Variants in ANKRD11 observed in about 807,000 individuals in gnomAD.
ANKRD11 encodes ankyrin repeat domain 11.
In ANKRD11, 17 loss-of-function variants were observed where a neutral mutation model predicts 195.7. The observed-to-expected ratio is 0.09, with a 90% confidence interval of 0.06 to 0.13. The LOEUF is 0.13. Ranked by LOEUF, ANKRD11 falls within the 10% of genes least tolerant of loss-of-function variation. The pLI, the probability that ANKRD11 is intolerant of heterozygous loss-of-function variation, is 1.00. For missense variants in ANKRD11, 3,735 were observed against 3,566.1 expected (o/e 1.05, Z -1.21); for synonymous variants, 1,953 against 1,528.1 (o/e 1.28, Z -6.49).
chr16:89,437,269 T>G (rs953606797), intron 1 of ANKRD11, among the ~76,000 whole-genome samples: 2 of 152,148 alleles, frequency 1.3e-5, no homozygotes, highest in Non-Finnish European at 2.9e-5. Context: ...GATGCTAATA[T>G]GCTAATATGA....
intron 1 of ANKRD11, among the ~76,000 whole-genome samples, chr16:89,474,225 G>A (rs1221594931): frequency 1.3e-5 from 2 of 152,174 alleles, no homozygotes; most frequent in Non-Finnish European, 2.9e-5. Context: ...ATGAAACCCT[G>A]AGCAGAGGAT....
At position 89,322,142 on chromosome 16, in the gene ANKRD11, T is replaced by G. The variant is rs146114302; in HGVS notation, c.-59-5064A>C. 6.5e-3 allele frequency among the ~76,000 whole-genome samples: 987 copies of G among 152,334 alleles called. 8 individuals carry two copies. The highest frequency in any genetic ancestry group is 0.011 in the Non-Finnish European group (729 of 68,014). On this transcript the variant is annotated intron_variant, in intron 2 of 12. Coordinates refer to ENST00000301030, the MANE Select transcript of ANKRD11 (RefSeq NM_013275.6). Reference sequence around the variant, plus strand: ...TAAAAGTTCTACACAAATTTTCAACTGCACAGGAGGCTGGCGCCCCCAACC... The same window carrying G: ...TAAAAGTTCTACACAAATTTTCAACGGCACAGGAGGCTGGCGCCCCCAACC...
At chr16:89,293,205 C>T (rs191616014) in intron 4 of ANKRD11, among the ~76,000 whole-genome samples, 113 of 152,286 alleles carry the variant, frequency 7.4e-4, no homozygotes, top group Non-Finnish European at 1.3e-3. Flanking sequence ...TTTGGAGACA[C>T]GAAGCCCCCT....
chr16:89,314,834 C>T (rs1404905809), intron 3 of ANKRD11, among the ~76,000 whole-genome samples: 1 of 152,198 alleles, frequency 6.6e-6, no homozygotes, highest in Non-Finnish European at 1.5e-5. Flanking sequence ...CACTACCACC[C>T]TTACCCTAAA....
At chr16:89,447,796 A>C (rs1243604677) in intron 1 of ANKRD11, among the ~76,000 whole-genome samples, 2 of 149,860 alleles carry the variant, frequency 1.3e-5, no homozygotes, top group Admixed American at 6.7e-5. Context: ...AAAATACAAT[A>C]ACTTTTTCTT....
At position 89,283,550 on chromosome 16, in the gene ANKRD11, C is replaced by G. The variant is rs747806088; in HGVS notation, c.2992G>C (p.Glu998Gln). Residue 998 changes from glutamate (E) to glutamine (Q), a missense_variant, in exon 9 of 13, where the codon GAG (glutamate) becomes CAG (glutamine). By Grantham distance (29) the Glu-to-Gln change is conservative. Transcript: ENST00000301030. This position sits in a 1 kb window ranked among gnomAD's most constrained non-coding sequence, Gnocchi z 4.3. ...KSDGDFGKGLEPWERHHPARE... is the reference protein window; with the variant it reads ...KSDGDFGKGLQPWERHHPARE... ...GCTGGGTGGTGCCGTTCCCACGGCTCCAGGCCCTTCCCAAAGTCGCCGTCG... is the reference window on the plus strand; with the variant it reads ...GCTGGGTGGTGCCGTTCCCACGGCTGCAGGCCCTTCCCAAAGTCGCCGTCG... The G allele has an allele frequency of 6.2e-7, 1 of 1,612,462 alleles. No individual in the cohort carries two copies. The highest frequency in any genetic ancestry group is 8.5e-7 in the Non-Finnish European group (1 of 1,180,030).
chr16:89,289,048 C>T (rs1054591211), intron 6 of ANKRD11: 9 of 320,416 alleles, frequency 2.8e-5, no homozygotes, highest in East Asian at 1.6e-4. Flanking sequence ...CCTCCCGTGT[C>T]GGAAACGGAA....
At position 89,378,542 on chromosome 16, in the gene ANKRD11, T is replaced by G. The variant is rs1046527256; in HGVS notation, c.-60+39742A>C. Among the ~76,000 whole-genome samples, 6 of 152,220 alleles carry G rather than the reference T, an allele frequency of 3.9e-5. 1 individual carries two copies. Among genetic ancestry groups the G allele is most frequent in the African/African-American group, 1.4e-4 (6 of 41,462 alleles). ...AAGATATTAAGCTAAATGTACGTGCTATAAGGCTACAGATACAGCAGGCTG... is the reference window on the plus strand; with the variant it reads ...AAGATATTAAGCTAAATGTACGTGCGATAAGGCTACAGATACAGCAGGCTG... On this transcript the variant is annotated intron_variant, in intron 2 of 12. Coordinates refer to ENST00000301030, the MANE Select transcript of ANKRD11 (RefSeq NM_013275.6).
chr16:89,326,637 G>A (rs138701317), intron 2 of ANKRD11, among the ~76,000 whole-genome samples: 12 of 152,238 alleles, frequency 7.9e-5, no homozygotes, highest in Non-Finnish European at 1.5e-4. Context: ...AGCTCCTTGG[G>A]AGCCTGAGGC....
At chr16:89,418,766 C>CTTT (rs771543095) in intron 1 of ANKRD11, among the ~76,000 whole-genome samples, 1 of 142,710 alleles carries the variant, frequency 7.0e-6, no homozygotes, top group African/African-American at 2.6e-5. Context: ...TTTAAAAGGC[C>CTTT]TTTTTTTTTT....
rs1597462960 is a variant in ANKRD11, at chr16:89,284,715, G to T, written c.1827C>A (p.Ser609Arg). ...RKRASLSEKK[S>R]PFLSSAEGAV... ...CGCCCTCCGCGCTGGACAGGAAGGG[G>T]CTCTTCTTCTCCGACAGGGAGGCTC... The change falls in exon 9 of 13, where the codon AGC (serine) becomes AGA (arginine). Residue 609 changes from serine to arginine, a missense_variant. Coordinates refer to ENST00000301030, the MANE Select transcript of ANKRD11 (RefSeq NM_013275.6). 1.2e-6 allele frequency: 2 copies of T among 1,613,826 alleles called. No individual in the cohort carries two copies. Among genetic ancestry groups the T allele is most frequent in the Non-Finnish European group, 1.7e-6 (2 of 1,179,992 alleles).
At chr16:89,302,014 T>G (rs909560126) in intron 4 of ANKRD11, among the ~76,000 whole-genome samples, 1 of 152,108 alleles carries the variant, frequency 6.6e-6, no homozygotes, top group Non-Finnish European at 1.5e-5. Flanking sequence ...CCCACACCCC[T>G]CCAGAGAGGC....
At chr16:89,358,761 G>A (rs2039599884) in intron 2 of ANKRD11, among the ~76,000 whole-genome samples, 1 of 152,082 alleles carries the variant, frequency 6.6e-6, no homozygotes, top group Non-Finnish European at 1.5e-5. Context: ...AACCCCACGT[G>A]CAAACCACTT....
chr16:89,469,987 C>T (rs1597506733), intron 1 of ANKRD11, among the ~76,000 whole-genome samples: 1 of 151,552 alleles, frequency 6.6e-6, no homozygotes, highest in South Asian at 2.1e-4. Flanking sequence ...CTCATTGCAA[C>T]CTCCACTTCC....
intron 1 of ANKRD11, among the ~76,000 whole-genome samples, chr16:89,478,580 T>TC (rs2152365964): frequency 6.6e-6 from 1 of 152,188 alleles, no homozygotes; most frequent in South Asian, 2.1e-4. Flanking sequence ...TACAAATGTG[T>TC]CCCTTTCGTC....
At chr16:89,346,349 GACA>G (rs1461750938) in intron 2 of ANKRD11, among the ~76,000 whole-genome samples, 5 of 151,598 alleles carry the variant, frequency 3.3e-5, no homozygotes, top group Non-Finnish European at 7.4e-5. Flanking sequence ...CAGACAAGGA[GACA>G]ACCCTAACCC....
intron 2 of ANKRD11, among the ~76,000 whole-genome samples, chr16:89,335,367 G>A (rs1381035879): frequency 4.6e-5 from 7 of 152,212 alleles, no homozygotes; most frequent in African/African-American, 1.7e-4. Flanking sequence ...AGGCATCCGT[G>A]AGTCCCACAG....
intron 11 of ANKRD11, chr16:89,271,879 C>T (rs564639474): frequency 6.6e-6 from 1 of 151,978 alleles, no homozygotes; most frequent in Non-Finnish European, 1.5e-5. Flanking sequence ...GCAACCAAAG[C>T]AAAAATGGAC....
chr16:89,353,348 AAAAG>A (rs1033910110), intron 2 of ANKRD11, among the ~76,000 whole-genome samples: 38 of 150,072 alleles, frequency 2.5e-4, no homozygotes, highest in African/African-American at 9.3e-4. Flanking sequence ...ACTCCAAAAA[AAAAG>A]AGAGAGAGAG....
Sources: gnomAD v4.1 joint callset for allele counts (sites outside exome capture counted in the v4.1 genomes callset) on GRCh38, gnomAD v4.1.1 for gene constraint, Gnocchi (gnomAD v3.1) non-coding constraint, MANE v1.5 for transcripts, NCBI Gene and HGNC (gene_info 2026-07-23, HGNC 2026-07-21) for gene names.